Variants in COL6A6 observed in about 807,000 individuals in gnomAD.
COL6A6 encodes collagen alpha-6(VI) chain.
A neutral mutation model predicts 208.6 loss-of-function variants in COL6A6; 183 were observed. The ratio of observed to expected loss-of-function variants is 0.88; its 90% confidence interval spans 0.78 to 0.99. The LOEUF (loss-of-function observed/expected upper bound fraction) is 0.99, where lower values mean the gene tolerates loss of function less well. COL6A6 is among the 50% of genes least tolerant of loss of function. COL6A6 has a pLI of 0.00. For missense variants in COL6A6, 2,816 were observed against 2,815.2 expected (o/e 1.00, Z -0.01); for synonymous variants, 973 against 1,011.8 (o/e 0.96, Z 0.73).
chr3:130,604,027 C>T (rs920270583), intron 20 of COL6A6, among the ~76,000 whole-genome samples: 2 of 152,182 alleles, frequency 1.3e-5, no homozygotes, highest in African/African-American at 4.8e-5. Context: ...TGTTATCAGA[C>T]ATTTGCAAGT....
rs2065191493 is a variant in COL6A6 at position 130,637,437 on chromosome 3, T to C, written c.5091+1676T>C. On this transcript the variant is annotated intron_variant, in intron 28 of 36. Coordinates refer to ENST00000358511, the MANE Select transcript of COL6A6 (RefSeq NM_001102608.3). Reference sequence around the variant, plus strand: ...AAACGAATGGGAAACATAAACTTTTTCTGTTGGCCTTTGAAAATGTTTGAA... The same window carrying C: ...AAACGAATGGGAAACATAAACTTTTCCTGTTGGCCTTTGAAAATGTTTGAA... 2.0e-5 allele frequency among the ~76,000 whole-genome samples: 3 copies of C among 152,038 alleles called. 1 individual carries two copies. Among genetic ancestry groups the C allele is most frequent in the Admixed American group, 1.3e-4 (2 of 15,272 alleles).
chr3:130,659,217 A>T (rs900193844), intron 34 of COL6A6, among the ~76,000 whole-genome samples: 32 of 152,312 alleles, frequency 2.1e-4, no homozygotes, highest in Non-Finnish European at 4.6e-4. Flanking sequence ...AAATTCATAC[A>T]TTTCTCATTG....
chr3:130,561,634 CTTTTTTTTTTTTTTTTT>C (rs398052265), intron 2 of COL6A6, among the ~76,000 whole-genome samples: 3 of 75,950 alleles, frequency 3.9e-5, no homozygotes, highest in East Asian at 4.2e-4. Flanking sequence ...GTTGAATCTA[CTTTTTTTTTTTTTTTTT>C]TTTTTTTTTT....
rs188242813 is a variant in COL6A6, at chr3:130,614,596, C to A, written c.4815+3885C>A. The stretch of plus-strand genomic sequence containing the variant: ...TTCAGTAGGAATGATATCAGCTCTT[C>A]TTTATACATCTGATAGAATTTGGCT... On this transcript the variant is annotated intron_variant, in intron 23 of 36. Coordinates refer to ENST00000358511, the MANE Select transcript of COL6A6 (RefSeq NM_001102608.3). Among the ~76,000 whole-genome samples the A allele has an allele frequency of 1.4e-3, 210 of 152,248 alleles. 4 individuals are homozygous for A. The highest frequency in any genetic ancestry group is 0.012 in the Admixed American group (184 of 15,286).
At chr3:130,573,493 C>T (rs1469995485) in intron 7 of COL6A6, among the ~76,000 whole-genome samples, 1 of 151,530 alleles carries the variant, frequency 6.6e-6, no homozygotes, top group African/African-American at 2.4e-5. Context: ...ATTTCCTCTA[C>T]AATTATTGTG....
intron 8 of COL6A6, among the ~76,000 whole-genome samples, chr3:130,575,636 C>T (rs1477877863): frequency 3.9e-5 from 6 of 152,190 alleles, no homozygotes; most frequent in Non-Finnish European, 8.8e-5. Flanking sequence ...ACTGCACTCC[C>T]CATCTTCCAG....
intron 15 of COL6A6, 93 bp downstream of exon 15, chr3:130,592,815 A>T (rs1035072347): frequency 2.4e-6 from 3 of 1,261,466 alleles, no homozygotes; most frequent in African/African-American, 3.1e-5. Flanking sequence ...ATACAAATAA[A>T]GTTGTCATTG....
chr3:130,618,270 C>T lies in COL6A6; in HGVS notation c.4816-3551C>T, dbSNP rs77572658. Among the ~76,000 whole-genome samples the T allele has an allele frequency of 3.8e-3, 582 of 152,264 alleles. 5 individuals are homozygous for T. Among genetic ancestry groups the T allele is most frequent in the African/African-American group, 0.013 (557 of 41,568 alleles). ...CCATCTAATCCTCTTATTAACTGAG[C>T]AATTTGGATGTAAATGCCTTGAGAA... On this transcript the variant is annotated intron_variant, in intron 23 of 36. Transcript: ENST00000358511.
intron 36 of COL6A6, among the ~76,000 whole-genome samples, chr3:130,669,580 A>G (rs2066160969): frequency 6.6e-6 from 1 of 152,126 alleles, no homozygotes; most frequent in Non-Finnish European, 1.5e-5. Flanking sequence ...AGGAAATTTT[A>G]TCTTAATTCT....
At chr3:130,662,723 T>C (rs1262546769) in intron 35 of COL6A6, among the ~76,000 whole-genome samples, 1 of 152,122 alleles carries the variant, frequency 6.6e-6, no homozygotes. Context: ...CAAAGAAAAA[T>C]TAAACAGTTC....
At chr3:130,519,620 G>A (rs978198624) in intron 1 of COL6A6, among the ~76,000 whole-genome samples, 3 of 152,158 alleles carry the variant, frequency 2.0e-5, no homozygotes, top group African/African-American at 7.2e-5. Context: ...CTAGATTCAA[G>A]TTATAGACAA....
At chr3:130,535,055 A>G in intron 1 of COL6A6, among the ~76,000 whole-genome samples, 1 of 151,764 alleles carries the variant, frequency 6.6e-6, no homozygotes, top group South Asian at 2.1e-4. Context: ...AAGAGAACTC[A>G]TAGTATTTTC....
chr3:130,564,212 G>A (rs1020749180), intron 3 of COL6A6, among the ~76,000 whole-genome samples: 5 of 152,188 alleles, frequency 3.3e-5, no homozygotes, highest in African/African-American at 4.8e-5. Flanking sequence ...CCAATTCCCA[G>A]CCATGTAGTT....
intron 1 of COL6A6, among the ~76,000 whole-genome samples, chr3:130,535,150 C>T (rs948500632): frequency 9.9e-5 from 15 of 152,118 alleles, no homozygotes; most frequent in African/African-American, 3.1e-4. Flanking sequence ...TCCTATTAGA[C>T]CCATGTCAGT....
At position 130,591,012 on chromosome 3, in the gene COL6A6, A is replaced by T; in HGVS notation, c.4219-29A>T. 3 of 1,545,354 alleles carry T rather than the reference A, an allele frequency of 1.9e-6. No individual in the cohort carries two copies. In the South Asian group the frequency reaches 3.6e-5, roughly 18 times the overall value. ...CCTCTGATTTTTGGTCCATAGATGC[A>T]AATGTTTTCTTCCTTTTCTTATTTC... On this transcript the variant is annotated intron_variant, in intron 12 of 36. Coordinates refer to ENST00000358511, the MANE Select transcript of COL6A6 (RefSeq NM_001102608.3).
Position 130,531,015 on chromosome 3 carries a change from T to TACAC in COL6A6, c.-32+13638_-32+13641dup, listed in dbSNP as rs58738761. 2.3e-4 allele frequency among the ~76,000 whole-genome samples: 33 copies of TACAC among 143,862 alleles called. 1 individual carries two copies. The East Asian group carries it at 3.3e-3, about 14-fold the overall frequency. 94.4% of individuals were successfully genotyped at this position (143,862 alleles called of 152,430 possible). A position where few individuals can be genotyped will look rare whatever the true frequency, so the allele number is the denominator to read the frequency against. ...TTCTCTCCTCTCCACCCCCCTCCTC[T>TACAC]ACACACACACACACACACACACAGA... On this transcript the variant is annotated intron_variant, in intron 1 of 36. Coordinates refer to ENST00000358511, the MANE Select transcript of COL6A6 (RefSeq NM_001102608.3).
chr3:130,557,698 A>T (rs189165149), intron 1 of COL6A6, among the ~76,000 whole-genome samples: 1 of 152,188 alleles, frequency 6.6e-6, no homozygotes, highest in African/African-American at 2.4e-5. Context: ...TGTTTCCCTT[A>T]TGGGCTCTTA....
At chr3:130,648,494 A>T (rs768681248) in intron 32 of COL6A6, among the ~76,000 whole-genome samples, 11 of 152,208 alleles carry the variant, frequency 7.2e-5, no homozygotes, top group Non-Finnish European at 7.3e-5. Context: ...CACAGACAGG[A>T]TGAGTAATTC....
chr3:130,588,278 G>A (rs562594173), intron 11 of COL6A6, among the ~76,000 whole-genome samples: 42 of 152,260 alleles, frequency 2.8e-4, no homozygotes, highest in African/African-American at 9.9e-4. Flanking sequence ...AATTTATTGG[G>A]AAACTTCACA....
Sources: gnomAD v4.1 joint callset for allele counts (sites outside exome capture counted in the v4.1 genomes callset) on GRCh38, gnomAD v4.1.1 for gene constraint, MANE v1.5 for transcripts, NCBI Gene and HGNC (gene_info 2026-07-23, HGNC 2026-07-21) for gene names.